GALNT12: variants seen among roughly 807,000 people sequenced by gnomAD.
GALNT12 encodes UDP-GalNAc:polypeptide N-acetylgalactosaminyltransferase 12.
A neutral mutation model predicts 55.5 loss-of-function variants in GALNT12; 45 were observed. The observed-to-expected ratio is 0.81, with a 90% CI of 0.64 to 1.04. The LOEUF (loss-of-function observed/expected upper bound fraction) is 1.04, where lower values mean the gene tolerates loss of function less well. GALNT12 is among the 50% of genes least tolerant of loss of function. The probability of loss-of-function intolerance (pLI) is 0.00; values close to 1 mark genes in which losing one functional copy is unlikely to be tolerated. For missense variants in GALNT12, 709 were observed against 754.8 expected (o/e 0.94, Z 0.71); for synonymous variants, 304 against 312.2 (o/e 0.97, Z 0.28).
At chr9:98,820,623 A>G (rs1307731871) in intron 1 of GALNT12, among the ~76,000 whole-genome samples, 1 of 152,160 alleles carries the variant, frequency 6.6e-6, no homozygotes, top group Non-Finnish European at 1.5e-5. Context: ...CAGTAATGGG[A>G]TTGCTGGGTC....
intron 4 of GALNT12, among the ~76,000 whole-genome samples, chr9:98,832,378 G>A (rs999324970): frequency 1.3e-5 from 2 of 152,102 alleles, no homozygotes; most frequent in Non-Finnish European, 2.9e-5. Context: ...AATTAGCTGA[G>A]CATGCTAGTG....
chr9:98,809,388 C>T (rs139208104), intron 1 of GALNT12, among the ~76,000 whole-genome samples: 8 of 152,304 alleles, frequency 5.3e-5, no homozygotes, highest in East Asian at 1.9e-4. Context: ...TTTAGCTCCT[C>T]GAAACCCCGA....
At chr9:98,817,267 C>T (rs923077600) in intron 1 of GALNT12, among the ~76,000 whole-genome samples, 11 of 152,252 alleles carry the variant, frequency 7.2e-5, no homozygotes, top group African/African-American at 2.4e-4. Flanking sequence ...CGCCTAGCCT[C>T]GCGGTTAATT....
intron 6 of GALNT12, 125 bp downstream of exon 6, chr9:98,837,273 G>C: frequency 1.1e-6 from 1 of 901,240 alleles, no homozygotes; most frequent in Non-Finnish European, 1.9e-6. Context: ...TCAGATACGA[G>C]TAAGGGGAGA....
intron 8 of GALNT12, among the ~76,000 whole-genome samples, 176 bp from the exon 9 acceptor site, chr9:98,845,801 C>G (rs756222431): frequency 6.6e-6 from 1 of 152,152 alleles, no homozygotes; most frequent in Non-Finnish European, 1.5e-5. Context: ...ACTGCAGTAG[C>G]GGTTCACTGA....
rs145557511 is a variant in GALNT12, at chr9:98,831,935, C to T, written c.895C>T (p.Gln299Ter). The change falls in exon 4 of 10, where the codon CAA (glutamine) becomes TAA (stop). Residue 299 changes from glutamine (Q) to a stop codon, truncating the protein, a stop_gained. Transcript: ENST00000375011. LOFTEE classifies it high-confidence loss of function. ...TVPERERIRM[Q>*]SPVDVIRSPT... The stretch of plus-strand genomic sequence containing the variant: ...TCCTGAGAGGGAGAGGATACGGATG[C>T]AATCCCCCGTCGATGTCATCAGGTC... 22 of 1,613,840 alleles carry T rather than the reference C, an allele frequency of 1.4e-5. No homozygotes were observed. In the African/African-American group the frequency reaches 2.9e-4, roughly 22 times the overall value.
chr9:98,819,309 C>T (rs773033322), intron 1 of GALNT12, among the ~76,000 whole-genome samples: 5 of 152,178 alleles, frequency 3.3e-5, no homozygotes, highest in Admixed American at 6.5e-5. Flanking sequence ...AAGCCTTCCA[C>T]GGGGTCAGTG....
intron 1 of GALNT12, among the ~76,000 whole-genome samples, chr9:98,819,756 T>C (rs1835695617): frequency 6.6e-6 from 1 of 151,918 alleles, no homozygotes; most frequent in African/African-American, 2.4e-5. Flanking sequence ...GGAGATGTGA[T>C]ACAGGGATCT....
chr9:98,823,962 T>C (rs1835805743), intron 2 of GALNT12, among the ~76,000 whole-genome samples: 1 of 152,182 alleles, frequency 6.6e-6, no homozygotes, highest in Non-Finnish European at 1.5e-5. Context: ...CCGTGAATCC[T>C]TGGGGCCTAG....
At chr9:98,827,130 G>A (rs1288467459) in intron 3 of GALNT12, among the ~76,000 whole-genome samples, 189 bp downstream of exon 3, 1 of 152,248 alleles carries the variant, frequency 6.6e-6, no homozygotes. Flanking sequence ...TGCATGGCAA[G>A]TGCCTGGGAG....
intron 1 of GALNT12, among the ~76,000 whole-genome samples, chr9:98,816,161 T>TA (rs767222256): frequency 8.5e-5 from 13 of 152,332 alleles, no homozygotes; most frequent in Non-Finnish European, 1.5e-4. Context: ...GAAAAATTTT[T>TA]ACAACAAGCC....
Position 98,836,960 on chromosome 9 carries a change from C to T in GALNT12, c.1036-12C>T, listed in dbSNP as rs1836167363. 1.2e-6 allele frequency: 2 copies of T among 1,613,992 alleles called. No homozygotes were observed. The highest frequency in any genetic ancestry group is 1.7e-6 in the Non-Finnish European group (2 of 1,180,036). On this transcript the variant is annotated splice_polypyrimidine_tract_variant and intron_variant, in intron 5 of 9. Coordinates refer to ENST00000375011, the MANE Select transcript of GALNT12 (RefSeq NM_024642.5). ...TGCTCACCACCTGGCCTCTCCTTTT[C>T]TCTGTGTGCAGATCTGGCAGTGTGG...
At chr9:98,832,622 A>G (rs568883839) in intron 4 of GALNT12, among the ~76,000 whole-genome samples, 2 of 152,188 alleles carry the variant, frequency 1.3e-5, no homozygotes, top group African/African-American at 2.4e-5. Flanking sequence ...GGAATTTTTC[A>G]TCATCCCACA....
chr9:98,831,600 C>T (rs1020183818), intron 3 of GALNT12, 172 bp from the exon 4 acceptor site: 56 of 265,594 alleles, frequency 2.1e-4, no homozygotes, highest in Admixed American at 3.9e-4. Context: ...TGGTGGTCAC[C>T]TGCCAGGGCT....
At chr9:98,819,512 C>T (rs1397894857) in intron 1 of GALNT12, among the ~76,000 whole-genome samples, 1 of 152,182 alleles carries the variant, frequency 6.6e-6, no homozygotes, top group East Asian at 1.9e-4. Flanking sequence ...ATAAAGCTGA[C>T]TGAGAACAGC....
chr9:98,823,447 G>A, intron 2 of GALNT12, 22 bp downstream of exon 2: 1 of 1,604,670 alleles, frequency 6.2e-7, no homozygotes, highest in Non-Finnish European at 8.5e-7. Flanking sequence ...CCAGGGCTCT[G>A]GGAAGAGCCT....
At chr9:98,813,190 T>G (rs1046656071) in intron 1 of GALNT12, among the ~76,000 whole-genome samples, 2 of 152,230 alleles carry the variant, frequency 1.3e-5, no homozygotes, top group African/African-American at 2.4e-5. Context: ...AAAATGTTTT[T>G]ATTTTGCTCT....
At position 98,838,131 on chromosome 9, in the gene GALNT12, G is replaced by A. The variant is rs533757277; in HGVS notation, c.1212+983G>A. Among the ~76,000 whole-genome samples, 25 of 152,186 alleles carry A rather than the reference G, an allele frequency of 1.6e-4. No individual in the cohort carries two copies. The South Asian group carries it at 5.2e-3, about 32-fold the overall frequency. The stretch of plus-strand genomic sequence containing the variant: ...GGACACATCCGCCTTATTAGTTAGG[G>A]GTCTGTTACCTCCCTCTAGAGCCTT... On this transcript the variant is annotated intron_variant, in intron 6 of 9. Transcript: ENST00000375011.
intron 1 of GALNT12, among the ~76,000 whole-genome samples, chr9:98,816,477 T>C (rs1398524276): frequency 6.6e-6 from 1 of 152,158 alleles, no homozygotes; most frequent in Non-Finnish European, 1.5e-5. Context: ...AAAGGATTGT[T>C]CTCTACATTG....
Sources: gnomAD v4.1 joint callset for allele counts (sites outside exome capture counted in the v4.1 genomes callset) on GRCh38, gnomAD v4.1.1 for gene constraint, MANE v1.5 for transcripts, NCBI Gene and HGNC (gene_info 2026-07-23, HGNC 2026-07-21) for gene names.